Variants in PLSCR2 observed in about 807,000 individuals in gnomAD.
PLSCR2 encodes the protein phospholipid scramblase 2.
PLSCR2 carries 18 observed loss-of-function variants against 25.3 expected under a neutral mutation model. That is an observed-to-expected ratio of 0.71 (90% confidence interval 0.49 to 1.06). The LOEUF (loss-of-function observed/expected upper bound fraction) is 1.06, where lower values mean the gene tolerates loss of function less well. Among genes scored for constraint, PLSCR2 ranks in the 50% least tolerant of loss-of-function variants. The probability of loss-of-function intolerance (pLI) is 0.00; values close to 1 mark genes in which losing one functional copy is unlikely to be tolerated. For missense variants in PLSCR2, 243 were observed against 269.5 expected, an observed-to-expected ratio of 0.90 and a Z score of 0.69; for synonymous variants, 88 against 87.3, an observed-to-expected ratio of 1.01 and a Z score of -0.04.
At chr3:146,461,467 T>G (rs552734895), upstream of PLSCR2, among the ~76,000 whole-genome samples, 3 of 152,250 alleles carry the variant, frequency 2.0e-5, no homozygotes, top group South Asian at 6.2e-4. Flanking sequence ...TCAATGAGCT[T>G]ACAGTTAACT....
intron 1 of PLSCR2, among the ~76,000 whole-genome samples, chr3:146,478,757 C>A (rs756249906): frequency 3.3e-5 from 5 of 152,198 alleles, no homozygotes; most frequent in Non-Finnish European, 7.3e-5. Context: ...CACAAAGATA[C>A]TCCTCGAGAG....
exon 6 of PLSCR2, chr3:146,449,293 A>C (rs2040750724): frequency 2.5e-6 from 4 of 1,611,958 alleles, no homozygotes; most frequent in Non-Finnish European, 3.4e-6. Context: ...CAGCATCAGT[A>C]AATGCCTCTC....
intron 3 of PLSCR2, among the ~76,000 whole-genome samples, chr3:146,392,971 G>T (rs1576545583): frequency 7.0e-6 from 1 of 142,880 alleles, no homozygotes; most frequent in Admixed American, 7.0e-5. Flanking sequence ...ATATTTTAAA[G>T]TATTTTAAAT....
chr3:146,432,240 T>G (rs529316860), downstream of PLSCR2, among the ~76,000 whole-genome samples: 6 of 152,296 alleles, frequency 3.9e-5, no homozygotes, highest in South Asian at 1.2e-3. Context: ...CCTTTCAAGT[T>G]CCTTCCTTTA....
chr3:146,419,102 A>G (rs75772898), intron 2 of PLSCR2, among the ~76,000 whole-genome samples: 2,392 of 151,932 alleles, frequency 0.016, 45 homozygotes, highest in African/African-American at 0.045. Flanking sequence ...TTCTCTCAAG[A>G]TTTTTTTTCT....
At chr3:146,488,503 A>G (rs1043449393) in intron 1 of PLSCR2, among the ~76,000 whole-genome samples, 1 of 152,130 alleles carries the variant, frequency 6.6e-6, no homozygotes, top group African/African-American at 2.4e-5. Flanking sequence ...ACCCCATCAA[A>G]AAGTGGGCAA....
At chr3:146,491,428 G>C (rs1272058576) in intron 1 of PLSCR2, among the ~76,000 whole-genome samples, 1 of 151,630 alleles carries the variant, frequency 6.6e-6, no homozygotes, top group African/African-American at 2.4e-5. Flanking sequence ...AAATTTTCTT[G>C]GACAATATCT....
intron 2 of PLSCR2, among the ~76,000 whole-genome samples, chr3:146,414,307 T>C (rs1195895168): frequency 2.0e-5 from 3 of 152,198 alleles, no homozygotes; most frequent in African/African-American, 7.2e-5. Context: ...CCACAGCAAA[T>C]GTATTCCTCA....
chr3:146,423,830 A>C (rs1251050372), intron 2 of PLSCR2, among the ~76,000 whole-genome samples: 6 of 152,132 alleles, frequency 3.9e-5, no homozygotes, highest in Non-Finnish European at 5.9e-5. Context: ...GGTGGTCTCT[A>C]AAAGTTGAAA....
intron 1 of PLSCR2, among the ~76,000 whole-genome samples, chr3:146,470,117 G>T (rs2042060653): frequency 6.6e-6 from 1 of 152,008 alleles, no homozygotes; most frequent in Non-Finnish European, 1.5e-5. Flanking sequence ...CCAACAAAAG[G>T]CATTTTTAAG....
intron 2 of PLSCR2, among the ~76,000 whole-genome samples, chr3:146,411,489 G>A (rs565254772): frequency 6.4e-4 from 97 of 152,306 alleles, no homozygotes; most frequent in African/African-American, 2.2e-3. Context: ...GTCACTCTTC[G>A]GGGACCTGAA....
intron 5 of PLSCR2, among the ~76,000 whole-genome samples, chr3:146,452,211 G>A (rs1190223257): frequency 6.6e-6 from 1 of 152,072 alleles, no homozygotes; most frequent in East Asian, 1.9e-4. Flanking sequence ...GATGTCTGTA[G>A]AGAAGGAGAA....
chr3:146,473,484 T>G (rs1414480704), intron 1 of PLSCR2, among the ~76,000 whole-genome samples: 1 of 152,054 alleles, frequency 6.6e-6, no homozygotes, highest in South Asian at 2.1e-4. Context: ...TTTTGTATTT[T>G]TAGTAGAGAT....
At chr3:146,431,125 G>T (rs1260207481), downstream of PLSCR2, among the ~76,000 whole-genome samples, 1 of 152,136 alleles carries the variant, frequency 6.6e-6, no homozygotes, top group Non-Finnish European at 1.5e-5. Context: ...GGGAAAGGGT[G>T]GGAGCAAAGA....
At chr3:146,432,544 T>C (rs1559988493), downstream of PLSCR2, among the ~76,000 whole-genome samples, 1 of 152,262 alleles carries the variant, frequency 6.6e-6, no homozygotes, top group African/African-American at 2.4e-5. Flanking sequence ...AGTCACATCA[T>C]GCTGAAGGAA....
intron 1 of PLSCR2, among the ~76,000 whole-genome samples, chr3:146,483,636 A>G (rs1407968992): frequency 1.3e-5 from 2 of 150,736 alleles, no homozygotes; most frequent in East Asian, 3.9e-4. Context: ...TGAGGGAGGA[A>G]CCCAGGTGAA....
intron 3 of PLSCR2, among the ~76,000 whole-genome samples, chr3:146,455,910 GTCT>G (rs1378076974): frequency 6.6e-6 from 1 of 152,118 alleles, no homozygotes; most frequent in Admixed American, 6.6e-5. Context: ...TCATACTTAT[GTCT>G]TCTTTGTTTG....
intron 6 of PLSCR2, among the ~76,000 whole-genome samples, chr3:146,447,997 G>A (rs1266080643): frequency 6.6e-6 from 1 of 151,902 alleles, no homozygotes; most frequent in African/African-American, 2.4e-5. Context: ...CACAATCACT[G>A]TGTTCTCCCT....
intron 6 of PLSCR2, 127 bp from the exon 7 acceptor site, chr3:146,441,948 G>T (rs1278706915): frequency 1.9e-5 from 11 of 579,754 alleles, no homozygotes; most frequent in Non-Finnish European, 2.7e-5. Context: ...ACTATAATAA[G>T]TAATGTGAGA....
Sources: gnomAD v4.1 joint callset for allele counts (sites outside exome capture counted in the v4.1 genomes callset) on GRCh38, gnomAD v4.1.1 for gene constraint, MANE v1.5 for transcripts, NCBI Gene and HGNC (gene_info 2026-07-23, HGNC 2026-07-21) for gene names.